The following RNF13 variants were observed in gnomAD, a reference collection of about 807,000 sequenced individuals.
RNF13 encodes the protein ring finger protein 13, also known as E3 ubiquitin-protein ligase RNF13.
A neutral mutation model predicts 37.7 loss-of-function variants in RNF13; 19 were observed. The observed-to-expected ratio is 0.50, with a 90% CI of 0.35 to 0.74. The LOEUF is 0.74. Among genes scored for constraint, RNF13 ranks in the 30% least tolerant of loss-of-function variants. The probability of loss-of-function intolerance (pLI) is 0.01; values close to 1 mark genes in which losing one functional copy is unlikely to be tolerated. For synonymous variants in RNF13, 144 were observed against 157.8 expected, an observed-to-expected ratio of 0.91 and a Z score of 0.65; for missense variants, 375 against 453.0, an observed-to-expected ratio of 0.83 and a Z score of 1.56.
intron 3 of RNF13, among the ~76,000 whole-genome samples, chr3:149,854,253 T>G (rs1393056453): frequency 6.6e-6 from 1 of 152,208 alleles, no homozygotes; most frequent in Non-Finnish European, 1.5e-5. Flanking sequence ...GTATGACTAT[T>G]TCTCATAAAA....
intron 1 of RNF13, among the ~76,000 whole-genome samples, chr3:149,816,167 T>C (rs1419014810): frequency 1.3e-5 from 2 of 151,894 alleles, no homozygotes; most frequent in Non-Finnish European, 2.9e-5. Context: ...TCCAAAATGC[T>C]GGGATTACAG....
chr3:149,832,541 G>T (rs536222928), intron 1 of RNF13, among the ~76,000 whole-genome samples: 2 of 152,018 alleles, frequency 1.3e-5, no homozygotes, highest in African/African-American at 4.8e-5. Flanking sequence ...ATGTGTACCA[G>T]CCAGTTTGCT....
chr3:149,877,060 G>T (rs970785152), intron 4 of RNF13, among the ~76,000 whole-genome samples: 3 of 151,984 alleles, frequency 2.0e-5, no homozygotes, highest in Non-Finnish European at 4.4e-5. Context: ...GATTACAGGC[G>T]TGAGCCACCA....
intron 8 of RNF13, chr3:149,939,661 GT>G (rs1720058613): frequency 1.4e-6 from 1 of 722,652 alleles, no homozygotes; most frequent in Non-Finnish European, 2.4e-6. Flanking sequence ...TGAAATCACC[GT>G]TCTTAAAGAT....
intron 4 of RNF13, among the ~76,000 whole-genome samples, chr3:149,879,300 T>C (rs1713103890): frequency 7.6e-6 from 1 of 131,648 alleles, no homozygotes; most frequent in African/African-American, 2.8e-5. Context: ...GACCTTGTTA[T>C]CAGGTAATTT....
intron 9 of RNF13, 127 bp from the exon 10 acceptor site, chr3:149,960,613 T>A (rs962047393): frequency 4.7e-5 from 43 of 917,230 alleles, no homozygotes; most frequent in African/African-American, 1.6e-4. Flanking sequence ...AAAATAAAAA[T>A]AAAAAATAAA....
intron 4 of RNF13, among the ~76,000 whole-genome samples, chr3:149,887,821 T>C (rs994079120): frequency 5.9e-5 from 9 of 152,200 alleles, no homozygotes; most frequent in African/African-American, 1.9e-4. Context: ...TTGTTGCTGT[T>C]ACTAAGGAGA....
chr3:149,825,182 C>CT (rs141132064), intron 1 of RNF13, among the ~76,000 whole-genome samples: 4,622 of 140,106 alleles, frequency 0.033, 78 homozygotes, highest in South Asian at 0.04. Context: ...TCCAGCAACC[C>CT]TTTTTTTTTT....
intron 8 of RNF13, among the ~76,000 whole-genome samples, chr3:149,931,505 A>G (rs1481697761): frequency 6.6e-6 from 1 of 152,092 alleles, no homozygotes; most frequent in African/African-American, 2.4e-5. Flanking sequence ...TTTCTAACAT[A>G]TATATATTCA....
At position 149,821,564 on chromosome 3, in the gene RNF13, C is replaced by G. The variant is rs186023140; in HGVS notation, c.-17+8211C>G. ...GTTTTTATATACTCCAGATACTAGACTGTTCATTATCAAATATATAATGTG... is the reference window on the plus strand; with the variant it reads ...GTTTTTATATACTCCAGATACTAGAGTGTTCATTATCAAATATATAATGTG... On this transcript the variant is annotated intron_variant, in intron 1 of 9. Coordinates refer to ENST00000392894, the MANE Select transcript of RNF13 (RefSeq NM_183381.3). Among the ~76,000 whole-genome samples, 4 of 151,958 alleles carry G rather than the reference C, an allele frequency of 2.6e-5. No homozygotes were observed. The East Asian group carries it at 5.8e-4, about 22-fold the overall frequency.
At chr3:149,835,239 A>G (rs1721475996) in intron 1 of RNF13, among the ~76,000 whole-genome samples, 2 of 152,186 alleles carry the variant, frequency 1.3e-5, no homozygotes, top group South Asian at 4.1e-4. Context: ...ATGAGAGAAA[A>G]TACTTTTCAA....
Position 149,895,991 on chromosome 3 carries a change from C to T in RNF13, c.409+431C>T, listed in dbSNP as rs560476031. ...TTATACCAGTTGGTTATTAGCCCTT[C>T]GTCATACATTGGTATGTTCATAGTT... On this transcript the variant is annotated intron_variant, in intron 5 of 9. Transcript: ENST00000392894. 2.6e-5 allele frequency among the ~76,000 whole-genome samples: 4 copies of T among 152,234 alleles called. No homozygotes were observed. The East Asian group carries it at 5.8e-4, about 22-fold the overall frequency.
At chr3:149,939,782 C>G in intron 8 of RNF13, 1 of 596,024 alleles carries the variant, frequency 1.7e-6, no homozygotes, top group Non-Finnish European at 3.2e-6. Context: ...ATGTCCATGT[C>G]CATCAAATCT....
chr3:149,814,867 G>T (rs1435819900), intron 1 of RNF13, among the ~76,000 whole-genome samples: 1 of 151,252 alleles, frequency 6.6e-6, no homozygotes, highest in Non-Finnish European at 1.5e-5. Context: ...TTTTTGTTTT[G>T]TTGGAAACTG....
At chr3:149,893,097 ACTT>A (rs1714885278) in intron 4 of RNF13, among the ~76,000 whole-genome samples, 1 of 152,180 alleles carries the variant, frequency 6.6e-6, no homozygotes, top group South Asian at 2.1e-4. Context: ...AAGGATAATG[ACTT>A]TCTGATTGAT....
At chr3:149,859,275 A>G (rs947783708) in intron 3 of RNF13, among the ~76,000 whole-genome samples, 1 of 152,214 alleles carries the variant, frequency 6.6e-6, no homozygotes, top group African/African-American at 2.4e-5. Flanking sequence ...TAAGAATTCT[A>G]AGATCTAAGG....
chr3:149,856,754 C>CT (rs1293681238), intron 3 of RNF13, among the ~76,000 whole-genome samples: 1 of 151,608 alleles, frequency 6.6e-6, no homozygotes, highest in African/African-American at 2.4e-5. Flanking sequence ...AAATATCTTA[C>CT]TTTTTTTATT....
chr3:149,915,530 C>T (rs760445383), intron 7 of RNF13, among the ~76,000 whole-genome samples: 4 of 152,014 alleles, frequency 2.6e-5, no homozygotes, highest in Non-Finnish European at 5.9e-5. Flanking sequence ...AGCAAAGACT[C>T]GAATAGATAT....
chr3:149,914,574 A>G (rs1032712049), intron 7 of RNF13, among the ~76,000 whole-genome samples: 1 of 152,294 alleles, frequency 6.6e-6, no homozygotes. Context: ...CAGATAAAGA[A>G]TATAGACTAA....
Sources: allele counts gnomAD v4.1 joint callset (sites outside exome capture counted in the v4.1 genomes callset), GRCh38; gene constraint gnomAD v4.1.1; transcripts MANE v1.5; gene names NCBI Gene and HGNC (gene_info 2026-07-23, HGNC 2026-07-21).